Variants in AGBL1 observed in about 807,000 individuals in gnomAD.
AGBL1 encodes cytosolic carboxypeptidase 4.
In AGBL1, 130 loss-of-function variants were observed where a neutral mutation model predicts 118.9. The ratio of observed to expected loss-of-function variants is 1.09; its 90% confidence interval spans 0.95 to 1.26. AGBL1 has a LOEUF of 1.26. Among genes scored for constraint, AGBL1 ranks in the 50% most tolerant of loss-of-function variants. The pLI is 0.00. For synonymous variants in AGBL1, 555 were observed against 478.9 expected (o/e 1.16, Z -2.08); for missense variants, 1,584 against 1,298.1 (o/e 1.22, Z -3.38).
intron 18 of AGBL1, among the ~76,000 whole-genome samples, chr15:86,510,297 T>C (rs2083038493): frequency 6.6e-6 from 1 of 152,072 alleles, no homozygotes. Flanking sequence ...GAAGAGTTGT[T>C]ACTCTCTAGA....
chr15:86,875,894 C>T (rs1301240015), intron 22 of AGBL1, among the ~76,000 whole-genome samples: 1 of 152,180 alleles, frequency 6.6e-6, no homozygotes, highest in Non-Finnish European at 1.5e-5. Context: ...GACCAGACTT[C>T]CTCTGCATTG....
intron 23 of AGBL1, among the ~76,000 whole-genome samples, chr15:86,959,040 T>C (rs576954536): frequency 6.6e-6 from 1 of 152,234 alleles, no homozygotes; most frequent in South Asian, 2.1e-4. Flanking sequence ...CACAGAATCC[T>C]GAGAGAAAAT....
chr15:86,956,038 G>A (rs932773596), intron 23 of AGBL1, among the ~76,000 whole-genome samples: 4 of 151,962 alleles, frequency 2.6e-5, no homozygotes, highest in African/African-American at 7.2e-5. Flanking sequence ...CAGTTTATAC[G>A]AAACAAGTTA....
chr15:86,341,615 A>G (rs1288167064), intron 17 of AGBL1, among the ~76,000 whole-genome samples: 2 of 152,142 alleles, frequency 1.3e-5, no homozygotes, highest in African/African-American at 4.8e-5. Flanking sequence ...TTCTTGCCAG[A>G]TTGTAGAACT....
At chr15:86,405,060 G>T (rs2081504913) in intron 18 of AGBL1, among the ~76,000 whole-genome samples, 1 of 152,166 alleles carries the variant, frequency 6.6e-6, no homozygotes, top group African/African-American at 2.4e-5. Flanking sequence ...ATATGGGGGA[G>T]GCCAGAGGAG....
At position 86,913,025 on chromosome 15, in the gene AGBL1, GA is replaced by G. The variant is rs1275855810; in HGVS notation, c.*5737del. ...TTGATAAAAAGTGTTCTTTAGAAAA[GA>G]AAAAATAGAGTGGTAAAAGGGAATT... On this transcript the variant is annotated 3_prime_UTR_variant, in exon 23 of 23. Transcript: ENST00000614907. The G allele has an allele frequency of 1.3e-5, 2 of 152,040 alleles. No individual in the cohort carries two copies. Among genetic ancestry groups the G allele is most frequent in the Non-Finnish European group, 2.9e-5 (2 of 67,984 alleles). The allele number at this position is 152,040 out of a possible 1,614,324, so 9.4% of individuals were successfully genotyped here.
At position 86,546,001 on chromosome 15, in the gene AGBL1, G is replaced by C; in HGVS notation, c.2686-1G>C. On this transcript the variant is annotated splice_acceptor_variant, in intron 19 of 22. Coordinates refer to ENST00000614907, the MANE Select transcript of AGBL1 (RefSeq NM_001386094.1). LOFTEE classifies it high-confidence loss of function. ...TTTTCTCCTTTGTTGGGCTATTGTAGGTTTTCTGTGACTTCCATGGCCACT... is the reference window on the plus strand; with the variant it reads ...TTTTCTCCTTTGTTGGGCTATTGTACGTTTTCTGTGACTTCCATGGCCACT... 1.2e-6 allele frequency: 2 copies of C among 1,612,426 alleles called. No individual in the cohort carries two copies.
chr15:86,809,011 A>G (rs2078754633), intron 22 of AGBL1, among the ~76,000 whole-genome samples: 1 of 152,170 alleles, frequency 6.6e-6, no homozygotes, highest in Non-Finnish European at 1.5e-5. Flanking sequence ...TCTTTCGTAA[A>G]GTACTATTCT....
At chr15:86,528,307 G>T (rs561098030) in intron 19 of AGBL1, among the ~76,000 whole-genome samples, 45 of 152,246 alleles carry the variant, frequency 3.0e-4, no homozygotes. Context: ...AAGCGCAAGG[G>T]GTCAGGGAGT....
At chr15:86,886,695 G>A (rs2079975548) in intron 22 of AGBL1, among the ~76,000 whole-genome samples, 1 of 152,082 alleles carries the variant, frequency 6.6e-6, no homozygotes, top group African/African-American at 2.4e-5. Context: ...GGTAACATTG[G>A]GTTTATTTTA....
intron 22 of AGBL1, among the ~76,000 whole-genome samples, chr15:86,707,502 C>A (rs957507073): frequency 6.6e-6 from 1 of 152,100 alleles, no homozygotes; most frequent in African/African-American, 2.4e-5. Context: ...TTTGCACACA[C>A]CACATCCCTC....
intron 7 of AGBL1, 62 bp downstream of exon 7, chr15:86,247,941 C>G: frequency 6.4e-7 from 1 of 1,564,840 alleles, no homozygotes; most frequent in Non-Finnish European, 8.8e-7. Context: ...TGAAGGCTGT[C>G]ATTTAGGAAT....
At chr15:86,767,183 A>G (rs189628290) in intron 22 of AGBL1, among the ~76,000 whole-genome samples, 5 of 152,094 alleles carry the variant, frequency 3.3e-5, no homozygotes, top group African/African-American at 9.6e-5. Flanking sequence ...AAAGAATGCA[A>G]TACTGCTCAG....
intron 5 of AGBL1, among the ~76,000 whole-genome samples, chr15:86,210,406 G>A (rs1329929420): frequency 1.3e-5 from 2 of 152,220 alleles, no homozygotes; most frequent in Non-Finnish European, 1.5e-5. Context: ...ATCCTGAAGA[G>A]TGTTTTCCAA....
chr15:86,859,873 C>T (rs2079536992), intron 22 of AGBL1, among the ~76,000 whole-genome samples: 2 of 152,148 alleles, frequency 1.3e-5, no homozygotes, highest in African/African-American at 4.8e-5. Flanking sequence ...AGTTTATCAG[C>T]TGTGTGACCT....
intron 22 of AGBL1, among the ~76,000 whole-genome samples, chr15:86,781,725 A>G (rs992417202): frequency 6.6e-6 from 1 of 152,154 alleles, no homozygotes; most frequent in Non-Finnish European, 1.5e-5. Context: ...TAGGCTACCA[A>G]AGACAATATA....
chr15:86,896,023 A>T (rs963377800), intron 22 of AGBL1, among the ~76,000 whole-genome samples: 6 of 151,944 alleles, frequency 3.9e-5, no homozygotes, highest in African/African-American at 1.4e-4. Flanking sequence ...CTTGTTTCTT[A>T]TCTTTGCTGA....
At chr15:86,849,211 A>C (rs1567205567) in intron 22 of AGBL1, among the ~76,000 whole-genome samples, 1 of 152,228 alleles carries the variant, frequency 6.6e-6, no homozygotes, top group Admixed American at 6.5e-5. Flanking sequence ...AATCTACAGC[A>C]CATTTCAGTG....
chr15:86,944,458 C>A (rs775594557), intron 23 of AGBL1, among the ~76,000 whole-genome samples: 8 of 152,046 alleles, frequency 5.3e-5, no homozygotes, highest in Non-Finnish European at 1.2e-4. Context: ...TGGCACCATT[C>A]GGGGAACATA....
Sources: allele counts gnomAD v4.1 joint callset (sites outside exome capture counted in the v4.1 genomes callset), GRCh38; gene constraint gnomAD v4.1.1; transcripts MANE v1.5; gene names NCBI Gene and HGNC (gene_info 2026-07-23, HGNC 2026-07-21).